Variants in MGST1 observed in about 807,000 individuals in gnomAD.
MGST1 encodes glutathione S-transferase 12.
MGST1 carries 5 observed loss-of-function variants against 8.9 expected under a neutral mutation model. That is an observed-to-expected ratio of 0.56 (90% CI 0.29 to 1.19). The LOEUF is 1.19. Ranked by LOEUF, MGST1 falls within the 50% of genes most tolerant of loss-of-function variation. MGST1 has a pLI of 0.08. For missense variants in MGST1, 182 were observed against 187.4 expected (o/e 0.97, Z 0.17); for synonymous variants, 54 against 67.8 (o/e 0.80, Z 1.00).
At chr12:16,439,156 T>C (rs962440781), downstream of MGST1, among the ~76,000 whole-genome samples, 1 of 151,350 alleles carries the variant, frequency 6.6e-6, no homozygotes, top group Non-Finnish European at 1.5e-5. Context: ...TATTCTGCTA[T>C]GATTGCATAG....
chr12:16,401,579 A>G lies in MGST1; in HGVS notation n.778+17975A>G. 7.4e-7 allele frequency: 1 copy of G among 1,349,264 alleles called. No individual in the cohort carries two copies. The highest frequency in any genetic ancestry group is 2.3e-5 in the East Asian group (1 of 43,610). 83.6% of individuals were successfully genotyped at this position (1,349,264 alleles called of 1,614,324 possible). On this transcript the variant is annotated intron_variant and non_coding_transcript_variant, in intron 1 of 1. Transcript: ENST00000359720. The surrounding 1 kb of genome is among the most constrained non-coding windows in gnomAD (Gnocchi z 4.3). Reference sequence around the variant, plus strand: ...AAAGTGCGAACAGGTTGGAGCAATAAGACTCGAAGCGAATACCCATGGCAC... The same window carrying G: ...AAAGTGCGAACAGGTTGGAGCAATAGGACTCGAAGCGAATACCCATGGCAC...
At chr12:16,479,540 T>TC (rs1313287578) in intron 4 of MGST1, among the ~76,000 whole-genome samples, 1 of 142,982 alleles carries the variant, frequency 7.0e-6, no homozygotes, top group African/African-American at 2.7e-5. Flanking sequence ...GGCCTCTTTT[T>TC]TTTTTTTTTT....
At chr12:16,371,279 T>G (rs1940288640) in intron 3 of MGST1, among the ~76,000 whole-genome samples, 1 of 152,022 alleles carries the variant, frequency 6.6e-6, no homozygotes, top group Non-Finnish European at 1.5e-5. Context: ...ACAGATAAAA[T>G]AAAAGAAAAA....
intron 1 of MGST1, among the ~76,000 whole-genome samples, chr12:16,434,456 G>A (rs1940966246): frequency 6.6e-6 from 1 of 151,742 alleles, no homozygotes; most frequent in Non-Finnish European, 1.5e-5. Flanking sequence ...GTGTGTGTGT[G>A]TGTGTGTTTC....
intron 1 of MGST1, among the ~76,000 whole-genome samples, chr12:16,402,817 C>T (rs1252213992): frequency 1.3e-5 from 2 of 151,362 alleles, no homozygotes; most frequent in East Asian, 3.9e-4. Context: ...TATAGGTGTT[C>T]TTCATATTAT....
At chr12:16,464,415 C>G (rs979228301) in intron 4 of MGST1, among the ~76,000 whole-genome samples, 4 of 152,130 alleles carry the variant, frequency 2.6e-5, no homozygotes, top group Admixed American at 1.3e-4. Flanking sequence ...TGATTTCTTT[C>G]ACCCTCACTG....
In MGST1 at chr12:16,458,635, TTA is replaced by T. The variant is rs1190703978; in HGVS notation, n.482+75037_482+75038del. ...GTAATAAGCTTGTATGAAAATGAAATTATATATTATAAACATGGAATATCAGT... is the reference window on the plus strand; with the variant it reads ...GTAATAAGCTTGTATGAAAATGAAATTATATTATAAACATGGAATATCAGT... On this transcript the variant is annotated intron_variant and non_coding_transcript_variant, in intron 4 of 4. Transcript: ENST00000538857. The surrounding 1 kb of genome is among the most constrained non-coding windows in gnomAD (Gnocchi z 4.0). Among the ~76,000 whole-genome samples the T allele has an allele frequency of 6.6e-6, 1 of 152,024 alleles. No individual in the cohort carries two copies. Among genetic ancestry groups the T allele is most frequent in the Non-Finnish European group, 1.5e-5 (1 of 67,980 alleles).
intron 4 of MGST1, among the ~76,000 whole-genome samples, chr12:16,474,256 T>C (rs1164157410): frequency 6.6e-6 from 1 of 152,208 alleles, no homozygotes; most frequent in Non-Finnish European, 1.5e-5. Context: ...AAGGCAAAAA[T>C]GTCACGAAAT....
At position 16,458,647 on chromosome 12, in the gene MGST1, A is replaced by G. The variant is rs1008138069; in HGVS notation, n.482+75043A>G. Among the ~76,000 whole-genome samples the G allele has an allele frequency of 1.3e-5, 2 of 152,062 alleles. No homozygotes were observed. Among genetic ancestry groups the G allele is most frequent in the Non-Finnish European group, 2.9e-5 (2 of 67,980 alleles). On this transcript the variant is annotated intron_variant and non_coding_transcript_variant, in intron 4 of 4. Transcript: ENST00000538857. The surrounding 1 kb of genome is among the most constrained non-coding windows in gnomAD (Gnocchi z 4.0). Reference sequence around the variant, plus strand: ...TATGAAAATGAAATTATATATTATAAACATGGAATATCAGTAGGTAGGCAG... The same window carrying G: ...TATGAAAATGAAATTATATATTATAGACATGGAATATCAGTAGGTAGGCAG...
rs535414353 is a variant in MGST1, at chr12:16,532,226, G to C, written n.483-57302G>C. On this transcript the variant is annotated intron_variant and non_coding_transcript_variant, in intron 4 of 4. Coordinates refer to the MGST1 transcript ENST00000538857. ...TTCTTCAAGAAGCCTCTTGCGGGGG[G>C]AGAAAACCTCTCTCCCATTTCTGAT... is the stretch of plus-strand genomic sequence containing the variant. Among the ~76,000 whole-genome samples the C allele has an allele frequency of 3.9e-5, 6 of 152,220 alleles. No homozygotes were observed. The East Asian group carries it at 1.2e-3, about 30-fold the overall frequency.
intron 4 of MGST1, among the ~76,000 whole-genome samples, chr12:16,556,458 G>A (rs1241678331): frequency 1.3e-5 from 2 of 152,158 alleles, no homozygotes; most frequent in Non-Finnish European, 2.9e-5. Context: ...TATTATTACT[G>A]CTACTTTTTA....
At chr12:16,387,266 G>A (rs1456390559) in intron 1 of MGST1, among the ~76,000 whole-genome samples, 1 of 152,164 alleles carries the variant, frequency 6.6e-6, no homozygotes, top group African/African-American at 2.4e-5. Context: ...ATATATGGCT[G>A]TGGACCCATA....
chr12:16,549,119 T>A (rs972841822), intron 4 of MGST1: 6 of 152,104 alleles, frequency 3.9e-5, no homozygotes, highest in African/African-American at 1.4e-4. Context: ...TTTCAAGCAA[T>A]TGTTAATGGG....
downstream of MGST1, among the ~76,000 whole-genome samples, chr12:16,382,041 A>AT (rs978239985): frequency 8.0e-5 from 12 of 150,804 alleles, no homozygotes; most frequent in Admixed American, 2.0e-4. Flanking sequence ...CATTCATCTA[A>AT]TTTTTTTTTC....
chr12:16,437,874 A>AC (rs998615191), exon 2 of MGST1: 1 of 151,052 alleles, frequency 6.6e-6, no homozygotes, highest in East Asian at 2.0e-4. Context: ...AAAAGTAGAA[A>AC]AAAACCCCTC....
At chr12:16,540,591 C>A (rs1941786994) in intron 4 of MGST1, among the ~76,000 whole-genome samples, 1 of 152,184 alleles carries the variant, frequency 6.6e-6, no homozygotes, top group Non-Finnish European at 1.5e-5. Context: ...GGCATCTGGA[C>A]AGAGCGACAT....
chr12:16,513,847 T>C lies in MGST1; in HGVS notation n.483-75681T>C. ...ATTTCTTAAGTTCAGCCAAGATGTCTTTCTGCCCAAACCAACCTGGGGAAG... is the reference window on the plus strand; with the variant it reads ...ATTTCTTAAGTTCAGCCAAGATGTCCTTCTGCCCAAACCAACCTGGGGAAG... On this transcript the variant is annotated intron_variant and non_coding_transcript_variant, in intron 4 of 4. Transcript: ENST00000538857. The surrounding 1 kb of genome is among the most constrained non-coding windows in gnomAD (Gnocchi z 4.2). 1.6e-6 allele frequency: 1 copy of C among 611,412 alleles called. No homozygotes were observed. The highest frequency in any genetic ancestry group is 3.2e-6 in the Non-Finnish European group (1 of 315,754). The allele number at this position is 611,412 out of a possible 1,614,324, so 37.9% of individuals were successfully genotyped here.
At chr12:16,384,318 T>G (rs955368713) in intron 1 of MGST1, among the ~76,000 whole-genome samples, 7 of 152,134 alleles carry the variant, frequency 4.6e-5, no homozygotes, top group Non-Finnish European at 7.4e-5. Context: ...CAGACATAAT[T>G]AAGTTAAGGT....
intron 4 of MGST1, among the ~76,000 whole-genome samples, chr12:16,481,247 A>G (rs987993606): frequency 2.0e-5 from 3 of 152,348 alleles, no homozygotes; most frequent in African/African-American, 7.2e-5. Flanking sequence ...ATCCCAAGCC[A>G]AGATATGCAA....
Sources: gnomAD v4.1 joint callset for allele counts (sites outside exome capture counted in the v4.1 genomes callset) on GRCh38, gnomAD v4.1.1 for gene constraint, Gnocchi (gnomAD v3.1) non-coding constraint, MANE v1.5 for transcripts, NCBI Gene and HGNC (gene_info 2026-07-23, HGNC 2026-07-21) for gene names.